Variants in CADPS observed in about 807,000 individuals in gnomAD.
CADPS encodes the protein calcium dependent secretion activator, also known as calcium-dependent secretion activator 1.
Under a neutral mutation model 167.3 loss-of-function variants are expected in CADPS, and 57 were observed. The ratio of observed to expected loss-of-function variants is 0.34; its 90% CI spans 0.28 to 0.42. The LOEUF is 0.42. Ranked by LOEUF, CADPS falls within the 20% of genes least tolerant of loss-of-function variation. CADPS has a pLI of 1.00. For synonymous variants in CADPS, 676 were observed against 635.3 expected, an observed-to-expected ratio of 1.06 and a Z score of -0.96; for missense variants, 1,414 against 1,738.1, an observed-to-expected ratio of 0.81 and a Z score of 3.32.
At chr3:62,741,935 T>TGC (rs1164763067) in intron 3 of CADPS, among the ~76,000 whole-genome samples, 183 of 152,218 alleles carry the variant, frequency 1.2e-3, no homozygotes, top group African/African-American at 4.1e-3. Flanking sequence ...AGTCTCAGGA[T>TGC]ACAAAAATCA....
At chr3:62,750,448 G>C (rs2082457278) in intron 3 of CADPS, among the ~76,000 whole-genome samples, 1 of 147,476 alleles carries the variant, frequency 6.8e-6, no homozygotes, top group African/African-American at 2.5e-5. Flanking sequence ...AAATGGCAAA[G>C]ATTATGAAGG....
chr3:62,791,316 C>T (rs566991932), intron 1 of CADPS, among the ~76,000 whole-genome samples: 1 of 152,138 alleles, frequency 6.6e-6, no homozygotes, highest in Non-Finnish European at 1.5e-5. Flanking sequence ...GAATGAAGAA[C>T]TGAATTTAAT....
intron 11 of CADPS, among the ~76,000 whole-genome samples, chr3:62,547,638 A>G (rs1346551667): frequency 8.4e-6 from 1 of 118,850 alleles, no homozygotes; most frequent in Non-Finnish European, 1.6e-5. Flanking sequence ...TGGATGCTCC[A>G]TTTAACAAAA....
At chr3:62,403,027 G>A in intron 29 of CADPS, 54 bp downstream of exon 29, 1 of 1,149,448 alleles carries the variant, frequency 8.7e-7, no homozygotes, top group South Asian at 1.3e-5. Context: ...GCTTGCCAGT[G>A]AAATATATTT....
intron 17 of CADPS, among the ~76,000 whole-genome samples, chr3:62,510,807 T>C (rs569956518): frequency 6.6e-6 from 1 of 152,100 alleles, no homozygotes; most frequent in South Asian, 2.1e-4. Context: ...ATTTGTGCTC[T>C]ATTCTCATTA....
At chr3:62,873,466 AAG>A (rs574809581) in intron 1 of CADPS, among the ~76,000 whole-genome samples, 6 of 152,094 alleles carry the variant, frequency 3.9e-5, no homozygotes, top group Non-Finnish European at 7.3e-5. Flanking sequence ...ATTTATTTAA[AAG>A]AGAACAGAAC....
intron 17 of CADPS, among the ~76,000 whole-genome samples, chr3:62,510,959 C>T (rs2067687466): frequency 6.6e-6 from 1 of 152,182 alleles, no homozygotes; most frequent in South Asian, 2.1e-4. Context: ...CCCATCTCTG[C>T]TTTAACCTCA....
intron 1 of CADPS, among the ~76,000 whole-genome samples, chr3:62,812,698 T>C (rs17202025): frequency 0.17 from 26,318 of 152,202 alleles, 2,626 homozygotes; most frequent in Middle Eastern, 0.34. Flanking sequence ...CCTCTCTATC[T>C]TCTGAAAGAA....
At chr3:62,584,427 A>C (rs953503339) in intron 8 of CADPS, among the ~76,000 whole-genome samples, 1 of 152,244 alleles carries the variant, frequency 6.6e-6, no homozygotes, top group Non-Finnish European at 1.5e-5. Flanking sequence ...AATGATAGCC[A>C]GTTGGCAGCG....
At chr3:62,760,384 C>T (rs764333044) in intron 2 of CADPS, among the ~76,000 whole-genome samples, 7 of 152,018 alleles carry the variant, frequency 4.6e-5, no homozygotes, top group Non-Finnish European at 1.0e-4. Context: ...CCACCTCTGT[C>T]GGACACAATT....
intron 1 of CADPS, among the ~76,000 whole-genome samples, chr3:62,795,629 T>C (rs948857839): frequency 1.3e-5 from 2 of 151,194 alleles, no homozygotes; most frequent in Non-Finnish European, 2.9e-5. Flanking sequence ...TAAATATTCA[T>C]TGAGTGCCCA....
chr3:62,415,950 C>T (rs2049980198), intron 28 of CADPS, among the ~76,000 whole-genome samples: 1 of 152,130 alleles, frequency 6.6e-6, no homozygotes, highest in Admixed American at 6.5e-5. Context: ...CTGCAACCTC[C>T]TGTTTCAGTG....
chr3:62,480,585 T>C (rs576891007), intron 22 of CADPS, among the ~76,000 whole-genome samples: 35 of 152,184 alleles, frequency 2.3e-4, no homozygotes, highest in Non-Finnish European at 4.4e-4. Context: ...GTCCTCCACC[T>C]GGATTACTGC....
rs774331824 is a variant in CADPS, at chr3:62,765,894, T to A, written c.532A>T (p.Asn178Tyr). ...TQIMADEAFM[N>Y]AVQSYYEVFL... ...ACCTCATAGTAACTCTGCACAGCGT[T>A]CATGAAGGCTTCGTCAGCCATGATC... The change falls in exon 2 of 30, where the codon AAC (asparagine) becomes TAC (tyrosine). Residue 178 changes from asparagine to tyrosine, a missense_variant. Physicochemically the swap from Asn to Tyr is moderately radical, Grantham distance 143 (BLOSUM62 -2). Coordinates refer to ENST00000383710, the MANE Select transcript of CADPS (RefSeq NM_003716.4). The A allele has an allele frequency of 5.0e-6, 8 of 1,612,324 alleles. No individual in the cohort carries two copies. The Admixed American group carries it at 1.3e-4, about 27-fold the overall frequency.
rs777774149 is a variant in CADPS, at chr3:62,874,763, G to C, written c.267C>G (p.Pro89=). 16 of 1,464,026 alleles carry C rather than the reference G, an allele frequency of 1.1e-5. No individual in the cohort carries two copies. The highest frequency in any genetic ancestry group is 1.5e-5 in the Non-Finnish European group (16 of 1,080,112). The allele number at this position is 1,464,026 out of a possible 1,614,324, so 90.7% of individuals were successfully genotyped here. Residue 89 remains proline (P), a synonymous_variant, in exon 1 of 30, where the codon CCC becomes CCG. Transcript: ENST00000383710. This position sits in a 1 kb window ranked among gnomAD's most constrained non-coding sequence, Gnocchi z 7.1. ...TCACCACCGACGGGCTGGGGCTGGA[G>C]GGCCGGCCGCCGCCAGCGCGGCTGC... ...QPSSRAGGGR[P]SSPSPSVVSE... is the part of the protein sequence containing the mutation.
chr3:62,677,464 T>C (rs1190304840), intron 3 of CADPS, among the ~76,000 whole-genome samples: 4 of 152,114 alleles, frequency 2.6e-5, no homozygotes, highest in Admixed American at 6.6e-5. Context: ...AGGAAATGTT[T>C]GGTAAAGTCT....
chr3:62,463,796 CT>C (rs1227961072), intron 26 of CADPS, among the ~76,000 whole-genome samples: 1 of 152,220 alleles, frequency 6.6e-6, no homozygotes, highest in Non-Finnish European at 1.5e-5. Flanking sequence ...GGAATTCCTA[CT>C]GTCATTATCC....
At chr3:62,595,392 T>C (rs190499270) in intron 6 of CADPS, among the ~76,000 whole-genome samples, 17 of 152,282 alleles carry the variant, frequency 1.1e-4, no homozygotes, top group African/African-American at 2.9e-4. Flanking sequence ...GCAAGGGTTT[T>C]GAACCAGATA....
chr3:62,483,807 C>G (rs2062389223), intron 21 of CADPS, among the ~76,000 whole-genome samples: 1 of 152,084 alleles, frequency 6.6e-6, no homozygotes, highest in East Asian at 1.9e-4. Flanking sequence ...TTGGCGATTT[C>G]CACTGAGACA....
Sources: allele counts gnomAD v4.1 joint callset (sites outside exome capture counted in the v4.1 genomes callset), GRCh38; gene constraint gnomAD v4.1.1; non-coding constraint Gnocchi (gnomAD v3.1); transcripts MANE v1.5; gene names NCBI Gene and HGNC (gene_info 2026-07-23, HGNC 2026-07-21).